Variants in ZBTB17 observed in about 807,000 individuals in gnomAD.
The protein encoded by ZBTB17 is zinc finger and BTB domain-containing protein 17.
Under a neutral mutation model 85.1 loss-of-function variants are expected in ZBTB17, and 24 were observed. That is an observed-to-expected ratio of 0.28 (90% CI 0.20 to 0.40). The LOEUF is 0.40. Ranked by LOEUF, ZBTB17 falls within the 10% of genes least tolerant of loss-of-function variation. The probability of loss-of-function intolerance (pLI) is 1.00; values close to 1 mark genes in which losing one functional copy is unlikely to be tolerated. For missense variants in ZBTB17, 743 were observed against 1,105.1 expected, an observed-to-expected ratio of 0.67 and a Z score of 4.65; for synonymous variants, 464 against 460.2, an observed-to-expected ratio of 1.01 and a Z score of -0.11.
rs141583785 is a variant in ZBTB17 at position 15,945,732 on chromosome 1, G to C, written c.644C>G (p.Ser215Cys). Residue 215 changes from serine (S) to cysteine (C), a missense_variant, in exon 6 of 16, where the codon TCC becomes TGC. Around this residue, in one of 4 missense-constraint regions of ZBTB17, gnomAD observed 279 missense variants for 269.9 expected, o/e 1.03. Coordinates refer to ENST00000375743, the MANE Select transcript of ZBTB17 (RefSeq NM_003443.3). ...MAAAEAEAALSESSEQEMEVE... is the reference protein window; with the variant it reads ...MAAAEAEAALCESSEQEMEVE... ...GGGGCTACCTTGCTCCGAGCTCTCG[G>C]ACAAAGCGGCCTCAGCTTCTGCAGC... is the stretch of plus-strand genomic sequence containing the variant. 5.6e-6 allele frequency: 9 copies of C among 1,607,112 alleles called. No individual in the cohort carries two copies. Among genetic ancestry groups the C allele is most frequent in the African/African-American group, 2.7e-5 (2 of 74,904 alleles).
At chr1:15,972,185 C>T (rs978001274) in intron 2 of ZBTB17, among the ~76,000 whole-genome samples, 8 of 152,294 alleles carry the variant, frequency 5.3e-5, no homozygotes, top group Admixed American at 1.3e-4. Flanking sequence ...CACCTGCTCC[C>T]GGGATTCAGT....
At chr1:15,942,965 C>T in intron 13 of ZBTB17, 99 bp downstream of exon 13, 1 of 1,530,868 alleles carries the variant, frequency 6.5e-7, no homozygotes, top group Non-Finnish European at 8.8e-7. Flanking sequence ...CAAGAGCTAG[C>T]ACCCGAGGCT....
chr1:15,974,646 C>T (rs977554026), intron 1 of ZBTB17, among the ~76,000 whole-genome samples: 1 of 151,950 alleles, frequency 6.6e-6, no homozygotes, highest in African/African-American at 2.4e-5. Context: ...GCCGTTTCGG[C>T]TCACTGCAAC....
At chr1:15,946,016 A>G in intron 5 of ZBTB17, 138 bp downstream of exon 5, 1 of 1,555,174 alleles carries the variant, frequency 6.4e-7, no homozygotes, top group Non-Finnish European at 8.8e-7. Flanking sequence ...TGGAACACAC[A>G]ATAGGTCATT....
chr1:15,947,231 GT>G, intron 3 of ZBTB17, 108 bp from the exon 4 acceptor site: 1 of 1,188,440 alleles, frequency 8.4e-7, no homozygotes, highest in Middle Eastern at 2.0e-4. Context: ...GAACAGCTGA[GT>G]GGCAAGCCTG....
rs184131705 is a variant in ZBTB17, at chr1:15,951,252, G to T, written c.-2-2755C>A. Among the ~76,000 whole-genome samples the T allele has an allele frequency of 5.4e-4, 82 of 151,570 alleles. No homozygotes were observed. Among genetic ancestry groups the T allele is most frequent in the African/African-American group, 1.7e-3 (70 of 41,210 alleles). ...AGAAAACAGGAGAAATGATAAGAAG[G>T]GGGGAGGAAGAAGTGAAGATGGGCA... On this transcript the variant is annotated intron_variant, in intron 2 of 15. Coordinates refer to ENST00000375743, the MANE Select transcript of ZBTB17 (RefSeq NM_003443.3). This position sits in a 1 kb window ranked among gnomAD's most constrained non-coding sequence, Gnocchi z 4.1.
Position 15,947,188 on chromosome 1 carries a change from C to T in ZBTB17, c.206-65G>A, listed in dbSNP as rs986785298. On this transcript the variant is annotated intron_variant, in intron 3 of 15. Transcript: ENST00000375743. ...ATCCGGCACCGGCAGCCTGCCCCAC[C>T]ACTCCACTCAGCAGCAGGACGCAGG... The T allele has an allele frequency of 5.5e-5, 82 of 1,499,866 alleles. No individual in the cohort carries two copies. The Admixed American group carries it at 1.2e-3, about 23-fold the overall frequency. 92.9% of individuals were successfully genotyped at this position (1,499,866 alleles called of 1,614,324 possible). A position where few individuals can be genotyped will look rare whatever the true frequency, so the allele number is the denominator to read the frequency against.
At chr1:15,958,149 A>C (rs1387688128) in intron 2 of ZBTB17, among the ~76,000 whole-genome samples, 2 of 152,246 alleles carry the variant, frequency 1.3e-5, no homozygotes, top group Non-Finnish European at 2.9e-5. Context: ...GTGTGCAATG[A>C]GACAACTAGC....
At chr1:15,960,480 C>T (rs552367252) in intron 2 of ZBTB17, among the ~76,000 whole-genome samples, 1 of 152,248 alleles carries the variant, frequency 6.6e-6, no homozygotes, top group South Asian at 2.1e-4. Flanking sequence ...CTTCTGAAAA[C>T]GGATGTAAAA....
intron 2 of ZBTB17, among the ~76,000 whole-genome samples, chr1:15,949,873 C>T (rs1026473536): frequency 6.6e-6 from 1 of 152,130 alleles, no homozygotes; most frequent in Admixed American, 6.5e-5. Context: ...ATCTGCTGAG[C>T]GGGGGGAAGT....
chr1:15,941,961 C>T lies in ZBTB17; in HGVS notation c.*8G>A. On this transcript the variant is annotated 3_prime_UTR_variant, in exon 16 of 16. Coordinates refer to ENST00000375743, the MANE Select transcript of ZBTB17 (RefSeq NM_003443.3). ...ATCCTTAAATAAACAGTCAGAAGGG[C>T]CGCCAGCTCACTCGGCAGGCGGGGG... The T allele has an allele frequency of 6.3e-7, 1 of 1,587,954 alleles. No homozygotes were observed. The highest frequency in any genetic ancestry group is 1.1e-5 in the South Asian group (1 of 90,068).
Position 15,953,408 on chromosome 1 carries a change from C to G in ZBTB17, c.-2-4911G>C, listed in dbSNP as rs1373427517. Among the ~76,000 whole-genome samples the G allele has an allele frequency of 6.6e-6, 1 of 152,162 alleles. No individual in the cohort carries two copies. The highest frequency in any genetic ancestry group is 1.5e-5 in the Non-Finnish European group (1 of 68,030). On this transcript the variant is annotated intron_variant, in intron 2 of 15. Transcript: ENST00000375743. The surrounding 1 kb of genome is among the most constrained non-coding windows in gnomAD (Gnocchi z 5.1). ...TGTGCTGGCCAAGGCTGGGTTGCTCCCAACCACACTCCCGGCCATGCTCAC... is the reference window on the plus strand; with the variant it reads ...TGTGCTGGCCAAGGCTGGGTTGCTCGCAACCACACTCCCGGCCATGCTCAC...
intron 2 of ZBTB17, among the ~76,000 whole-genome samples, chr1:15,965,615 G>A (rs913528376): frequency 2.0e-5 from 3 of 152,284 alleles, no homozygotes; most frequent in South Asian, 2.1e-4. Flanking sequence ...TACATGTCCC[G>A]GGAATGTGAA....
At chr1:15,971,493 A>ATATATATACACACAC (rs2072672447) in intron 2 of ZBTB17, among the ~76,000 whole-genome samples, 1 of 73,898 alleles carries the variant, frequency 1.4e-5, no homozygotes, top group Admixed American at 1.5e-4. Flanking sequence ...TACACACACT[A>ATATATATACACACAC]TATATATATA....
At chr1:15,947,432 G>A (rs1048264929) in intron 3 of ZBTB17, 3 of 370,568 alleles carry the variant, frequency 8.1e-6, no homozygotes, top group African/African-American at 6.0e-5. Flanking sequence ...GGAACAGAAG[G>A]TGCAACTGTC....
At chr1:15,974,128 C>CAGTG (rs752003741) in intron 1 of ZBTB17, among the ~76,000 whole-genome samples, 322 of 149,284 alleles carry the variant, frequency 2.2e-3, no homozygotes, top group Non-Finnish European at 3.2e-3. Flanking sequence ...ATCAAGGCTG[C>CAGTG]AGTGAACTAT....
chr1:15,950,152 G>C (rs1317363520), intron 2 of ZBTB17, among the ~76,000 whole-genome samples: 1 of 152,240 alleles, frequency 6.6e-6, no homozygotes, highest in Non-Finnish European at 1.5e-5. Flanking sequence ...CGCACCAAGT[G>C]CACCAAGTGG....
In ZBTB17 at chr1:15,945,013, G is replaced by A; in HGVS notation, c.851C>T (p.Ala284Val). 1.3e-6 allele frequency: 2 copies of A among 1,599,838 alleles called. No individual in the cohort carries two copies. The highest frequency in any genetic ancestry group is 1.7e-6 in the Non-Finnish European group (2 of 1,175,024). Residue 284 changes from alanine (A) to valine (V), a missense_variant, in exon 7 of 16, where the codon GCC (alanine) becomes GTC (valine). Ala to Val is a moderately conservative substitution (Grantham distance 64, BLOSUM62 0). Around this residue, in one of 4 missense-constraint regions of ZBTB17, gnomAD observed 279 missense variants for 269.9 expected, o/e 1.03. Transcript: ENST00000375743. The part of the protein sequence containing the change: ...TDSGQELGSE[A>V]RGLRSGTYGD... ...GTAGGTGCCTGAGCGCAGGCCCCGG[G>A]CCTCGGAGCCGAGCTCCTGCCCCGA...
chr1:15,958,490 G>A (rs554600096), intron 2 of ZBTB17, among the ~76,000 whole-genome samples: 56 of 151,662 alleles, frequency 3.7e-4, no homozygotes, highest in African/African-American at 1.2e-3. Flanking sequence ...CCTTTGTTAT[G>A]GAGCAACTCA....
Sources: allele counts gnomAD v4.1 joint callset (sites outside exome capture counted in the v4.1 genomes callset), GRCh38; gene constraint gnomAD v4.1.1; regional missense constraint gnomAD v4.1.1; non-coding constraint Gnocchi (gnomAD v3.1); transcripts MANE v1.5; gene names NCBI Gene and HGNC (gene_info 2026-07-23, HGNC 2026-07-21).